The following MACROD2 variants were observed in gnomAD, a reference collection of about 807,000 sequenced individuals.
The protein encoded by MACROD2 is mono-ADP ribosylhydrolase 2.
Under a neutral mutation model 70.4 loss-of-function variants are expected in MACROD2, and 36 were observed. That is an observed-to-expected ratio of 0.51 (90% CI 0.39 to 0.68). MACROD2 has a LOEUF of 0.68. Ranked by LOEUF, MACROD2 falls within the 30% of genes least tolerant of loss-of-function variation. The pLI is 0.00. For synonymous variants in MACROD2, 172 were observed against 178.8 expected (o/e 0.96, Z 0.30); for missense variants, 496 against 538.4 (o/e 0.92, Z 0.78).
At chr20:14,298,036 T>A (rs1429439311) in intron 3 of MACROD2, among the ~76,000 whole-genome samples, 1 of 151,926 alleles carries the variant, frequency 6.6e-6, no homozygotes, top group Non-Finnish European at 1.5e-5. Context: ...GAAGCCTGGA[T>A]GATAGCACAT....
chr20:14,263,706 A>T (rs917499639), intron 3 of MACROD2, among the ~76,000 whole-genome samples: 5 of 152,086 alleles, frequency 3.3e-5, no homozygotes, highest in Admixed American at 6.6e-5. Flanking sequence ...CATGCTTGTA[A>T]TCGCAGCACT....
chr20:15,173,278 T>C (rs932692947), intron 5 of MACROD2, among the ~76,000 whole-genome samples: 1 of 152,190 alleles, frequency 6.6e-6, no homozygotes, highest in Non-Finnish European at 1.5e-5. Context: ...ATGCTTCCTT[T>C]GATATTTGCT....
intron 3 of MACROD2, chr20:14,337,460 T>G (rs184270153): frequency 2.5e-6 from 1 of 396,214 alleles, no homozygotes; most frequent in African/African-American, 2.1e-5. Flanking sequence ...GTAATTCCAT[T>G]GACAGTGAAT....
intron 10 of MACROD2, among the ~76,000 whole-genome samples, chr20:15,917,044 C>T (rs1464247137): frequency 1.3e-5 from 2 of 152,160 alleles, no homozygotes; most frequent in Non-Finnish European, 2.9e-5. Flanking sequence ...CAGGCTGTAC[C>T]GAGACAAGCC....
intron 8 of MACROD2, among the ~76,000 whole-genome samples, chr20:15,801,542 T>TCTTA (rs1380954604): frequency 6.6e-6 from 1 of 152,148 alleles, no homozygotes; most frequent in Admixed American, 6.5e-5. Context: ...GAGTCTCTAT[T>TCTTA]ATCTTCCATT....
At chr20:15,696,915 G>T (rs944095914) in intron 8 of MACROD2, among the ~76,000 whole-genome samples, 1 of 151,790 alleles carries the variant, frequency 6.6e-6, no homozygotes, top group Non-Finnish European at 1.5e-5. Context: ...TGTTTCATTT[G>T]TTGGTAAGGT....
intron 5 of MACROD2, among the ~76,000 whole-genome samples, chr20:14,994,947 T>C (rs1043350443): frequency 6.6e-6 from 1 of 151,998 alleles, no homozygotes; most frequent in African/African-American, 2.4e-5. Context: ...GAGAGAAGCC[T>C]AGGCAACACA....
At chr20:15,828,594 A>C (rs983265562) in intron 8 of MACROD2, among the ~76,000 whole-genome samples, 2 of 152,218 alleles carry the variant, frequency 1.3e-5, no homozygotes, top group Non-Finnish European at 2.9e-5. Flanking sequence ...TTCCACATGC[A>C]AAAGCTAAAA....
At chr20:15,519,308 T>C (rs1197677060) in intron 8 of MACROD2, among the ~76,000 whole-genome samples, 3 of 152,060 alleles carry the variant, frequency 2.0e-5, no homozygotes, top group Non-Finnish European at 2.9e-5. Flanking sequence ...AATTTTTTAG[T>C]AGAGACAGGG....
intron 5 of MACROD2, among the ~76,000 whole-genome samples, chr20:14,966,645 C>G (rs529908291): frequency 6.6e-6 from 1 of 152,300 alleles, no homozygotes; most frequent in East Asian, 1.9e-4. Context: ...CTTCTGAGCT[C>G]TGTCATCATC....
At chr20:15,942,594 G>T (rs1243156293) in intron 12 of MACROD2, among the ~76,000 whole-genome samples, 1 of 152,142 alleles carries the variant, frequency 6.6e-6, no homozygotes, top group Admixed American at 6.6e-5. Context: ...CAAGTATTAA[G>T]GCTATTTAAG....
At chr20:15,507,100 A>G (rs978220690) in intron 8 of MACROD2, among the ~76,000 whole-genome samples, 1 of 152,318 alleles carries the variant, frequency 6.6e-6, no homozygotes. Context: ...CATGACACTC[A>G]TAGGCTGTGA....
intron 6 of MACROD2, among the ~76,000 whole-genome samples, chr20:15,269,905 AT>A (rs918883136): frequency 6.6e-6 from 1 of 152,124 alleles, no homozygotes; most frequent in Non-Finnish European, 1.5e-5. Flanking sequence ...TTTGGCACCT[AT>A]TAGGCCCCCT....
chr20:14,227,404 C>T (rs924751268), intron 3 of MACROD2, among the ~76,000 whole-genome samples: 1 of 152,162 alleles, frequency 6.6e-6, no homozygotes, highest in Non-Finnish European at 1.5e-5. Context: ...ATGTAACACT[C>T]ACCACAAAGG....
chr20:15,099,864 A>G (rs2075858989), intron 5 of MACROD2, among the ~76,000 whole-genome samples: 1 of 152,146 alleles, frequency 6.6e-6, no homozygotes, highest in South Asian at 2.1e-4. Flanking sequence ...TGGATGGTAA[A>G]GGCAATTCTG....
intron 4 of MACROD2, among the ~76,000 whole-genome samples, chr20:14,507,604 T>C (rs1028574967): frequency 6.6e-6 from 1 of 152,132 alleles, no homozygotes. Flanking sequence ...TGTCTCCAGA[T>C]GTTGGATTTA....
chr20:15,249,096 GC>G (rs1157773633), intron 6 of MACROD2, among the ~76,000 whole-genome samples: 1 of 152,162 alleles, frequency 6.6e-6, no homozygotes, highest in Non-Finnish European at 1.5e-5. Flanking sequence ...CTTCAGAATT[GC>G]CCCGCCAAAG....
At chr20:14,013,318 G>A (rs1270354052) in intron 2 of MACROD2, among the ~76,000 whole-genome samples, 1 of 148,714 alleles carries the variant, frequency 6.7e-6, no homozygotes, top group East Asian at 2.0e-4. Context: ...TGTCGCCCAG[G>A]CTGGAGTGCA....
chr20:14,529,652 G>T (rs2085278221), intron 4 of MACROD2, among the ~76,000 whole-genome samples: 1 of 152,146 alleles, frequency 6.6e-6, no homozygotes, highest in Non-Finnish European at 1.5e-5. Context: ...GACTGATCAA[G>T]GTTTATTCCC....
Sources: allele counts gnomAD v4.1 joint callset (sites outside exome capture counted in the v4.1 genomes callset), GRCh38; gene constraint gnomAD v4.1.1; transcripts MANE v1.5; gene names NCBI Gene and HGNC (gene_info 2026-07-23, HGNC 2026-07-21).